STK32C: variants seen among roughly 807,000 people sequenced by gnomAD.
STK32C encodes serine/threonine kinase 32C.
STK32C carries 31 observed loss-of-function variants against 56.5 expected under a neutral mutation model. The observed-to-expected ratio is 0.55, with a 90% CI of 0.41 to 0.74. STK32C has a LOEUF of 0.74. Among genes scored for constraint, STK32C ranks in the 30% least tolerant of loss-of-function variants. The probability of loss-of-function intolerance (pLI) is 0.00; values close to 1 mark genes in which losing one functional copy is unlikely to be tolerated. For missense variants in STK32C, 544 were observed against 676.9 expected, an observed-to-expected ratio of 0.80 and a Z score of 2.18; for synonymous variants, 309 against 289.4, an observed-to-expected ratio of 1.07 and a Z score of -0.69.
intron 2 of STK32C, among the ~76,000 whole-genome samples, chr10:132,229,350 C>T (rs569857937): frequency 6.6e-6 from 1 of 152,080 alleles, no homozygotes; most frequent in African/African-American, 2.4e-5. Flanking sequence ...GCTGCATGCC[C>T]GGAAAGCGTG....
At chr10:132,211,713 C>A (rs1333451283) in intron 10 of STK32C, among the ~76,000 whole-genome samples, 1 of 152,192 alleles carries the variant, frequency 6.6e-6, no homozygotes, top group African/African-American at 2.4e-5. Context: ...GTCAGAAGGC[C>A]ACAGAGGGGC....
intron 10 of STK32C, among the ~76,000 whole-genome samples, chr10:132,214,160 C>G (rs181460825): frequency 6.6e-6 from 1 of 151,218 alleles, no homozygotes; most frequent in East Asian, 1.9e-4. Flanking sequence ...ATCTAAGAAG[C>G]TCAGAGAACA....
At chr10:132,307,986 GGGGGC>G, upstream of STK32C, 2 of 993,336 alleles carry the variant, frequency 2.0e-6, no homozygotes, top group Non-Finnish European at 2.4e-6. This position sits in a 1 kb window ranked among gnomAD's most constrained non-coding sequence, Gnocchi z 4.4. Context: ...TGCGAGCGCT[GGGGGC>G]GGGGCAGGGG....
At chr10:132,313,087 T>C (rs968209491) in intron 1 of STK32C, among the ~76,000 whole-genome samples, 1 of 152,212 alleles carries the variant, frequency 6.6e-6, no homozygotes, top group Non-Finnish European at 1.5e-5. Flanking sequence ...CTGGCTATGA[T>C]GGTGGGATGG....
intron 1 of STK32C, among the ~76,000 whole-genome samples, chr10:132,325,552 T>TG (rs1554886055): frequency 1.4e-4 from 20 of 141,524 alleles, no homozygotes; most frequent in Admixed American, 3.5e-4. Context: ...GAGTCCGTCT[T>TG]AAAAAAAAAA....
rs531798795 is a variant in STK32C at position 132,211,587 on chromosome 10, G to A, written c.1252-2486C>T. Among the ~76,000 whole-genome samples the A allele has an allele frequency of 7.2e-5, 11 of 152,302 alleles. No individual in the cohort carries two copies. In the South Asian group the frequency reaches 1.0e-3, roughly 14 times the overall value. On this transcript the variant is annotated intron_variant, in intron 10 of 11. Transcript: ENST00000298630. Reference sequence around the variant, plus strand: ...ACTCCCTTCCCAAGGTGTGTGTAGCGCCGCCAGCAGTACCCCATGGCAGGG... The same window carrying A: ...ACTCCCTTCCCAAGGTGTGTGTAGCACCGCCAGCAGTACCCCATGGCAGGG...
chr10:132,249,133 T>C (rs754677464), intron 1 of STK32C: 42 of 439,280 alleles, frequency 9.6e-5, no homozygotes, highest in Admixed American at 1.4e-4. Flanking sequence ...GGCTGTGGCG[T>C]CAGGGCGTGC....
intron 1 of STK32C, among the ~76,000 whole-genome samples, chr10:132,262,769 A>C (rs1296011900): frequency 2.0e-5 from 3 of 151,810 alleles, no homozygotes; most frequent in Non-Finnish European, 4.4e-5. Flanking sequence ...AAAAAAAAAA[A>C]AAAACAGGTA....
chr10:132,324,218 A>G (rs2066456565), exon 2 of STK32C: 1 of 779,528 alleles, frequency 1.3e-6, no homozygotes, highest in African/African-American at 1.7e-5. Context: ...CATCTGAGAA[A>G]TTCATTAACA....
chr10:132,253,596 G>A (rs796226827), intron 1 of STK32C, among the ~76,000 whole-genome samples: 5 of 151,174 alleles, frequency 3.3e-5, no homozygotes, highest in African/African-American at 1.2e-4. Context: ...AGGGAGCCGA[G>A]GGAGCTGGAG....
chr10:132,234,702 A>G (rs1004226803), intron 2 of STK32C, among the ~76,000 whole-genome samples: 100 of 152,102 alleles, frequency 6.6e-4, no homozygotes, highest in Non-Finnish European at 1.2e-3. Flanking sequence ...TCAGTCAGGG[A>G]CCACCTCTTC....
At chr10:132,208,757 G>GA in intron 11 of STK32C, among the ~76,000 whole-genome samples, 1 of 140,002 alleles carries the variant, frequency 7.1e-6, no homozygotes, top group East Asian at 3.2e-4. Flanking sequence ...TGGCTCTGAT[G>GA]GGGCCTCCTA....
At chr10:132,241,370 A>G (rs1439922146) in intron 2 of STK32C, among the ~76,000 whole-genome samples, 1 of 152,260 alleles carries the variant, frequency 6.6e-6, no homozygotes, top group Non-Finnish European at 1.5e-5. Flanking sequence ...GTTAGAAAAT[A>G]AAGTCTGTTA....
rs1269634106 is a variant in STK32C at position 132,226,944 on chromosome 10, G to A, written c.495C>T (p.Asp165=). 2.5e-6 allele frequency: 4 copies of A among 1,613,372 alleles called. No individual in the cohort carries two copies. In the Admixed American group the frequency reaches 5.0e-5, roughly 20 times the overall value. The part of the protein sequence containing the change: ...NLWYSFQDEE[D]MFMVVDLLLG... ...GTAGCAGGTCCACGACCATGAACAT[G>A]TCCTCCTCGTCCTGGAAGGAGTACC... Residue 165 remains aspartate, a synonymous_variant, in exon 4 of 12, where the codon GAC becomes GAT. Coordinates refer to ENST00000298630, the MANE Select transcript of STK32C (RefSeq NM_173575.4).
In STK32C at chr10:132,329,026, A is replaced by G. The variant is rs139371074; in HGVS notation, c.301+2410T>C. On this transcript the variant is annotated intron_variant, in intron 1 of 1. Transcript: ENST00000368619. ...CCTAGATTTCAAAACACAGGACTCC[A>G]AGAAGACAGATAACAGTATCAGCCA... 2.0e-3 allele frequency among the ~76,000 whole-genome samples: 308 copies of G among 152,386 alleles called. 1 individual carries two copies. The highest frequency in any genetic ancestry group is 6.8e-3 in the Middle Eastern group (2 of 294).
chr10:132,331,520 C>A, exon 1 of STK32C: 1 of 1,612,968 alleles, frequency 6.2e-7, no homozygotes, highest in African/African-American at 1.3e-5. Flanking sequence ...GTTCCCCTGG[C>A]AGCAAGTCCT....
intron 1 of STK32C, among the ~76,000 whole-genome samples, chr10:132,253,534 C>G (rs1199418238): frequency 2.6e-5 from 3 of 114,980 alleles, no homozygotes; most frequent in Admixed American, 8.4e-5. Context: ...CCGGAGGGAG[C>G]TGGAGGGAGT....
At chr10:132,225,901 G>A (rs563464791) in intron 4 of STK32C, 117 bp from the exon 5 acceptor site, 49 of 1,349,194 alleles carry the variant, frequency 3.6e-5, no homozygotes, top group Middle Eastern at 4.9e-4. Context: ...CGAGGCAGAG[G>A]CCTGGGAGCT....
intron 1 of STK32C, among the ~76,000 whole-genome samples, chr10:132,263,807 C>T (rs11146279): frequency 0.25 from 36,376 of 147,376 alleles, 5,063 homozygotes; most frequent in Non-Finnish European, 0.33. Flanking sequence ...CAGAGGCTGC[C>T]GTGAGCTGAG....
Sources: gnomAD v4.1 joint callset for allele counts (sites outside exome capture counted in the v4.1 genomes callset) on GRCh38, gnomAD v4.1.1 for gene constraint, Gnocchi (gnomAD v3.1) non-coding constraint, MANE v1.5 for transcripts, NCBI Gene and HGNC (gene_info 2026-07-23, HGNC 2026-07-21) for gene names.